The following DDX19B variants were observed in gnomAD, a reference collection of about 807,000 sequenced individuals.
DDX19B encodes DEAD-box helicase 19B, also known as ATP-dependent RNA helicase DDX19B.
In DDX19B, 27 loss-of-function variants were observed where a neutral mutation model predicts 58.1. The observed-to-expected ratio is 0.46, with a 90% CI of 0.34 to 0.64. The LOEUF is 0.64. DDX19B is among the 30% of genes least tolerant of loss of function. The probability of loss-of-function intolerance (pLI) is 0.01; values close to 1 mark genes in which losing one functional copy is unlikely to be tolerated. For synonymous variants in DDX19B, 187 were observed against 214.4 expected (o/e 0.87, Z 1.12); for missense variants, 399 against 596.5 (o/e 0.67, Z 3.45).
intron 4 of DDX19B, 56 bp downstream of exon 4, chr16:70,316,160 G>C: frequency 6.2e-7 from 1 of 1,606,578 alleles, no homozygotes; most frequent in South Asian, 1.1e-5. Flanking sequence ...AGAGATCCTA[G>C]GTCTGTTATA....
chr16:70,293,606 T>TTTTTTTTTTTG, upstream of DDX19B, among the ~76,000 whole-genome samples: 1 of 116,530 alleles, frequency 8.6e-6, no homozygotes, highest in Non-Finnish European at 1.7e-5. Context: ...AATTTTTTTT[T>TTTTTTTTTTTG]TTTTTTTTTT....
chr16:70,326,587 AGT>A (rs1350326982), intron 7 of DDX19B, among the ~76,000 whole-genome samples: 1 of 152,108 alleles, frequency 6.6e-6, no homozygotes, highest in Non-Finnish European at 1.5e-5. Flanking sequence ...CTCAGGCTGG[AGT>A]ACAGTGGCAT....
upstream of DDX19B, chr16:70,295,146 A>G: frequency 5.6e-6 from 6 of 1,063,004 alleles, no homozygotes. Flanking sequence ...CTGAATTCCA[A>G]TCCAGATGCT....
chr16:70,295,069 G>T, upstream of DDX19B: 5 of 1,282,596 alleles, frequency 3.9e-6, no homozygotes, highest in South Asian at 1.3e-4. Context: ...TCTGTGAGGT[G>T]GGTACTTCCT....
chr16:70,316,133 C>A, intron 4 of DDX19B, 29 bp downstream of exon 4: 1 of 1,613,464 alleles, frequency 6.2e-7, no homozygotes, highest in Non-Finnish European at 8.5e-7. Context: ...TCTGACTCTT[C>A]CCCTTTGCAC....
chr16:70,332,840 A>C (rs1027919553), intron 10 of DDX19B, 128 bp from the exon 11 acceptor site: 11 of 1,551,180 alleles, frequency 7.1e-6, no homozygotes, highest in Middle Eastern at 1.7e-4. Flanking sequence ...TCCTGCACTC[A>C]ATGTCATGCA....
rs558759841 is a variant in DDX19B at position 70,320,865 on chromosome 16, A to G, written c.389+3277A>G. Among the ~76,000 whole-genome samples, 21 of 144,504 alleles carry G rather than the reference A, an allele frequency of 1.5e-4. No individual in the cohort carries two copies. The East Asian group carries it at 4.0e-3, about 28-fold the overall frequency. 94.8% of individuals were successfully genotyped at this position (144,504 alleles called of 152,430 possible). On this transcript the variant is annotated intron_variant, in intron 5 of 11. Coordinates refer to ENST00000288071, the MANE Select transcript of DDX19B (RefSeq NM_007242.7). The stretch of plus-strand genomic sequence containing the variant: ...AGCCATCGTGCCCGGCCTAATTTTT[A>G]TATTTTTATCAGAGACAGAGTTGTG...
At chr16:70,327,988 C>G (rs1216581009) in intron 7 of DDX19B, among the ~76,000 whole-genome samples, 1 of 151,896 alleles carries the variant, frequency 6.6e-6, no homozygotes, top group South Asian at 2.1e-4. Flanking sequence ...CCAGTCTCTA[C>G]TAAAAATACA....
intron 1 of DDX19B, among the ~76,000 whole-genome samples, chr16:70,307,664 T>C (rs1210586530): frequency 6.8e-6 from 1 of 147,564 alleles, no homozygotes; most frequent in Non-Finnish European, 1.5e-5. Context: ...CATCTGGCCA[T>C]ATGTATATAT....
At chr16:70,315,062 C>T (rs1231215577) in intron 3 of DDX19B, 107 bp downstream of exon 3, 9 of 1,170,786 alleles carry the variant, frequency 7.7e-6, no homozygotes, top group African/African-American at 3.1e-5. Flanking sequence ...CTTTAATAGG[C>T]GATACAGTGC....
chr16:70,295,499 T>C (rs1961186520), upstream of DDX19B, among the ~76,000 whole-genome samples: 1 of 151,966 alleles, frequency 6.6e-6, no homozygotes. Flanking sequence ...TTGCCCAGGC[T>C]TGCATATTTA....
In DDX19B at chr16:70,315,980, G is replaced by A; in HGVS notation, c.172G>A (p.Ala58Thr). 1.2e-6 allele frequency: 2 copies of A among 1,613,960 alleles called. No homozygotes were observed. Among genetic ancestry groups the A allele is most frequent in the Non-Finnish European group, 1.7e-6 (2 of 1,180,000 alleles). Residue 58 changes from alanine (A) to threonine (T), a missense_variant, in exon 4 of 12, where the codon GCC becomes ACC. Physicochemically the swap from Ala to Thr is moderately conservative, Grantham distance 58 (BLOSUM62 0). Transcript: ENST00000288071. ...TDEEEKEDRA[A>T]QSLLNKLIRS... is the part of the protein sequence containing the mutation. Reference sequence around the variant, plus strand: ...CTTTTTCCTGACAGAGGACAGAGCTGCCCAGTCCTTACTCAACAAGCTGAT... The same window carrying A: ...CTTTTTCCTGACAGAGGACAGAGCTACCCAGTCCTTACTCAACAAGCTGAT...
chr16:70,324,834 C>T (rs1963056514), intron 6 of DDX19B, 147 bp downstream of exon 6: 5 of 650,164 alleles, frequency 7.7e-6, no homozygotes, highest in South Asian at 2.1e-5. Flanking sequence ...GGCGGATCAC[C>T]TGAGGTCAGG....
chr16:70,304,451 CAA>C (rs954312287), intron 1 of DDX19B, among the ~76,000 whole-genome samples: 2 of 151,096 alleles, frequency 1.3e-5, no homozygotes, highest in African/African-American at 4.9e-5. Flanking sequence ...CAGCTCACTG[CAA>C]CCTCCACCTC....
At chr16:70,312,805 C>G in intron 2 of DDX19B, 148 bp downstream of exon 2, 11 of 650,648 alleles carry the variant, frequency 1.7e-5, no homozygotes, top group Non-Finnish European at 2.9e-5. Context: ...AATCAACAAA[C>G]TGGATTGTAT....
chr16:70,300,210 C>CA (rs1567621496), intron 1 of DDX19B, among the ~76,000 whole-genome samples: 2 of 145,644 alleles, frequency 1.4e-5, no homozygotes, highest in Non-Finnish European at 1.5e-5. Context: ...GAGGCAACTC[C>CA]TTTTTTTTTT....
chr16:70,316,789 G>T (rs1406349639), intron 4 of DDX19B, among the ~76,000 whole-genome samples: 1 of 152,090 alleles, frequency 6.6e-6, no homozygotes, highest in South Asian at 2.1e-4. Context: ...ACTATGTGTA[G>T]GCCAGGCATA....
chr16:70,323,081 G>C (rs1390029528), intron 5 of DDX19B, among the ~76,000 whole-genome samples: 1 of 151,900 alleles, frequency 6.6e-6, no homozygotes, highest in Non-Finnish European at 1.5e-5. Flanking sequence ...GCCTGCTGCG[G>C]CTGCTCCGTT....
intron 1 of DDX19B, among the ~76,000 whole-genome samples, chr16:70,303,818 C>G (rs996128775): frequency 6.6e-6 from 1 of 152,162 alleles, no homozygotes; most frequent in Non-Finnish European, 1.5e-5. Flanking sequence ...CTCGGCCTCC[C>G]AAAGTGCTGG....
Sources: gnomAD v4.1 joint callset for allele counts (sites outside exome capture counted in the v4.1 genomes callset) on GRCh38, gnomAD v4.1.1 for gene constraint, MANE v1.5 for transcripts, NCBI Gene and HGNC (gene_info 2026-07-23, HGNC 2026-07-21) for gene names.